NFKBIZ: variants seen among roughly 807,000 people sequenced by gnomAD.
The protein encoded by NFKBIZ is NFKB inhibitor zeta, also known as NF-kappa-B inhibitor zeta.
Under a neutral mutation model 76.8 loss-of-function variants are expected in NFKBIZ, and 19 were observed. The observed-to-expected ratio is 0.25, with a 90% CI of 0.17 to 0.36. The LOEUF (loss-of-function observed/expected upper bound fraction) is 0.36. Ranked by LOEUF, NFKBIZ falls within the 10% of genes least tolerant of loss-of-function variation. NFKBIZ has a pLI of 1.00. For synonymous variants in NFKBIZ, 368 were observed against 354.8 expected (o/e 1.04, Z -0.42); for missense variants, 829 against 910.9 (o/e 0.91, Z 1.16).
chr3:101,833,193 C>T (rs190098020), intron 2 of NFKBIZ, among the ~76,000 whole-genome samples: 17 of 152,306 alleles, frequency 1.1e-4, no homozygotes, highest in Admixed American at 9.8e-4. Context: ...GCTGGCAATG[C>T]AGTTCCACAT....
chr3:101,830,645 G>A (rs1271874535), intron 2 of NFKBIZ, among the ~76,000 whole-genome samples: 1 of 152,184 alleles, frequency 6.6e-6, no homozygotes, highest in Non-Finnish European at 1.5e-5. Flanking sequence ...TTGCTGCAAA[G>A]GACATGATTC....
At chr3:101,855,312 T>C in intron 7 of NFKBIZ, 83 bp from the exon 8 acceptor site, 1 of 1,605,986 alleles carries the variant, frequency 6.2e-7, no homozygotes, top group Non-Finnish European at 8.5e-7. Context: ...CTATTTTGAG[T>C]TAACTTATTC....
intron 2 of NFKBIZ, among the ~76,000 whole-genome samples, chr3:101,832,676 G>T (rs181822011): frequency 1.3e-5 from 2 of 152,158 alleles, no homozygotes; most frequent in Non-Finnish European, 2.9e-5. Flanking sequence ...ATATTCCAGC[G>T]TGTGTGTAGG....
At chr3:101,848,107 G>A (rs1942880804), upstream of NFKBIZ, among the ~76,000 whole-genome samples, 1 of 152,140 alleles carries the variant, frequency 6.6e-6, no homozygotes, top group African/African-American at 2.4e-5. Context: ...TCTCTCCTGG[G>A]CTACTGCAGT....
intron 2 of NFKBIZ, among the ~76,000 whole-genome samples, chr3:101,830,515 C>T (rs1004658145): frequency 1.3e-5 from 2 of 152,136 alleles, no homozygotes; most frequent in African/African-American, 4.8e-5. Context: ...TCTTTGTTGC[C>T]ATCTTTATGT....
chr3:101,835,779 C>T (rs1942712052), intron 2 of NFKBIZ, among the ~76,000 whole-genome samples: 1 of 152,122 alleles, frequency 6.6e-6, no homozygotes, highest in African/African-American at 2.4e-5. Flanking sequence ...GGGGGGACAC[C>T]ATTCAGTCCA....
Position 101,850,201 on chromosome 3 carries a change from C to T in NFKBIZ, c.289+284C>T. 8.1e-6 allele frequency: 3 copies of T among 369,580 alleles called. No individual in the cohort carries two copies. In the Admixed American group the frequency reaches 1.4e-4, roughly 17 times the overall value. The allele number at this position is 369,580 out of a possible 1,614,324, so 22.9% of individuals were successfully genotyped here. A position where few individuals can be genotyped will look rare whatever the true frequency, so the allele number is the denominator to read the frequency against. On this transcript the variant is annotated intron_variant, in intron 1 of 11. Coordinates refer to ENST00000326172, the MANE Select transcript of NFKBIZ (RefSeq NM_031419.4). ...CCGGGCGAGTGACCAGGAGATCGCT[C>T]GCTCTCTAAGAAGCAGCTTTGTTGA...
In NFKBIZ at chr3:101,859,365, G is replaced by T. The variant is rs369561115; in HGVS notation, c.2151G>T (p.Pro717=). The T allele has an allele frequency of 3.7e-6, 6 of 1,613,342 alleles. No homozygotes were observed. The highest frequency in any genetic ancestry group is 4.2e-6 in the Non-Finnish European group (5 of 1,179,446). ...KGKSIQQRAP[P]Y is the part of the protein sequence containing the mutation. ...AGTCCATTCAGCAGAGAGCTCCACCGTATTAGCTCCATTAGCTTGGAGCCT... is the reference window on the plus strand; with the variant it reads ...AGTCCATTCAGCAGAGAGCTCCACCTTATTAGCTCCATTAGCTTGGAGCCT... The change falls in exon 12 of 12, where the codon CCG becomes CCT. Residue 717 remains proline, a synonymous_variant. Coordinates refer to ENST00000326172, the MANE Select transcript of NFKBIZ (RefSeq NM_031419.4).
At chr3:101,834,858 C>T (rs1041720730) in intron 2 of NFKBIZ, among the ~76,000 whole-genome samples, 1 of 152,156 alleles carries the variant, frequency 6.6e-6, no homozygotes, top group African/African-American at 2.4e-5. Flanking sequence ...TTGTTCGAAA[C>T]CCCTGAATGG....
intron 1 of NFKBIZ, chr3:101,829,471 C>T (rs1375449182): frequency 6.6e-6 from 1 of 152,182 alleles, no homozygotes; most frequent in East Asian, 1.9e-4. Flanking sequence ...CTTTCAGAAG[C>T]TACAGAGCCA....
At chr3:101,831,487 G>A (rs1472950520) in intron 2 of NFKBIZ, among the ~76,000 whole-genome samples, 1 of 152,158 alleles carries the variant, frequency 6.6e-6, no homozygotes. Context: ...CTTGCTTTGT[G>A]TCTACATCCT....
intron 11 of NFKBIZ, among the ~76,000 whole-genome samples, chr3:101,858,787 C>T (rs1048126319): frequency 6.4e-4 from 97 of 152,052 alleles, no homozygotes; most frequent in African/African-American, 2.2e-3. Flanking sequence ...CTGAATGAGC[C>T]GGGATCTTTT....
At chr3:101,841,141 A>G (rs996627638) in intron 2 of NFKBIZ, among the ~76,000 whole-genome samples, 3 of 152,200 alleles carry the variant, frequency 2.0e-5, no homozygotes, top group African/African-American at 7.2e-5. Context: ...AATATGGTAT[A>G]CTGTGCTTTG....
At chr3:101,830,763 G>A (rs916049764) in intron 2 of NFKBIZ, among the ~76,000 whole-genome samples, 7 of 152,064 alleles carry the variant, frequency 4.6e-5, no homozygotes, top group African/African-American at 1.7e-4. Context: ...CTTTGCTATT[G>A]TAAGTAAGTG....
Position 101,853,193 on chromosome 3 carries a change from A to G in NFKBIZ, c.667A>G (p.Ile223Val), listed in dbSNP as rs377604331. 10 of 1,614,062 alleles carry G rather than the reference A, an allele frequency of 6.2e-6. No individual in the cohort carries two copies. In the African/African-American group the frequency reaches 9.3e-5, roughly 15 times the overall value. The change falls in exon 5 of 12, where the codon ATT (isoleucine) becomes GTT (valine). Residue 223 changes from isoleucine (I) to valine (V), a missense_variant. This residue lies in a region of NFKBIZ where 371 missense variants were observed against 332.3 expected (regional missense o/e 1.12). Coordinates refer to ENST00000326172, the MANE Select transcript of NFKBIZ (RefSeq NM_031419.4). ...TGATCTGCTTCAGAACATTATCAAC[A>G]TTAAGAATGAATGCAGCCCCGTTTC... ...SADLLQNIIN[I>V]KNECSPVSLN...
chr3:101,851,207 T>C (rs1216060968), intron 1 of NFKBIZ, among the ~76,000 whole-genome samples: 2 of 152,278 alleles, frequency 1.3e-5, no homozygotes, highest in South Asian at 2.1e-4. Context: ...GGCTGAATTA[T>C]TCATTTCCTG....
Position 101,849,751 on chromosome 3 carries a change from C to G in NFKBIZ, c.123C>G (p.Pro41=). The G allele has an allele frequency of 6.9e-7, 1 of 1,450,102 alleles. No homozygotes were observed. Among genetic ancestry groups the G allele is most frequent in the Non-Finnish European group, 9.0e-7 (1 of 1,106,588 alleles). 89.8% of individuals were successfully genotyped at this position (1,450,102 alleles called of 1,614,324 possible). A position where few individuals can be genotyped will look rare whatever the true frequency, so the allele number is the denominator to read the frequency against. ...GCTACTTCTACGGCGCGTCGCCGCC[C>G]GCCGCCGCCCCGGGCGCCTGCGACG... ...NLSYFYGASP[P]AAAPGACDAS... The change falls in exon 1 of 12, where the codon CCC becomes CCG. Residue 41 remains proline (P), a synonymous_variant. Coordinates refer to ENST00000326172, the MANE Select transcript of NFKBIZ (RefSeq NM_031419.4).
intron 7 of NFKBIZ, 78 bp from the exon 8 acceptor site, chr3:101,855,317 T>A (rs1943032298): frequency 2.5e-6 from 4 of 1,606,098 alleles, no homozygotes; most frequent in Admixed American, 3.4e-5. Context: ...TTGAGTTAAC[T>A]TATTCATTTC....
intron 2 of NFKBIZ, among the ~76,000 whole-genome samples, chr3:101,832,422 T>A (rs1576804610): frequency 6.6e-6 from 1 of 152,182 alleles, no homozygotes; most frequent in Non-Finnish European, 1.5e-5. Context: ...CTTTTTCATC[T>A]TCCCTTTGAC....
Sources: allele counts gnomAD v4.1 joint callset (sites outside exome capture counted in the v4.1 genomes callset), GRCh38; gene constraint gnomAD v4.1.1; regional missense constraint gnomAD v4.1.1; transcripts MANE v1.5; gene names NCBI Gene and HGNC (gene_info 2026-07-23, HGNC 2026-07-21).